The following NRG1 variants were observed in gnomAD, a reference collection of about 807,000 sequenced individuals.
The protein encoded by NRG1 is pro-neuregulin-1, membrane-bound isoform.
A neutral mutation model predicts 63.8 loss-of-function variants in NRG1; 18 were observed. That is an observed-to-expected ratio of 0.28 (90% CI 0.19 to 0.42). The LOEUF is 0.42. Ranked by LOEUF, NRG1 falls within the 10% of genes least tolerant of loss-of-function variation. NRG1 has a pLI of 1.00. For synonymous variants in NRG1, 302 were observed against 301.3 expected, an observed-to-expected ratio of 1.00 and a Z score of -0.02; for missense variants, 762 against 814.7, an observed-to-expected ratio of 0.94 and a Z score of 0.79.
intron 1 of NRG1, among the ~76,000 whole-genome samples, chr8:31,720,276 AT>A (rs1397211359): frequency 6.6e-6 from 1 of 152,064 alleles, no homozygotes; most frequent in Non-Finnish European, 1.5e-5. Context: ...CATAATATAC[AT>A]TTTTGAGTAG....
chr8:31,643,758 A>G (rs533576458), intron 1 of NRG1, among the ~76,000 whole-genome samples: 1 of 152,304 alleles, frequency 6.6e-6, no homozygotes, highest in South Asian at 2.1e-4. Flanking sequence ...TTAAATCTCT[A>G]TTATTCAAAC....
rs114434981 is a variant in NRG1, at chr8:31,935,753, G to T, written c.37+296322G>T. Among the ~76,000 whole-genome samples, 1,041 of 152,296 alleles carry T rather than the reference G, an allele frequency of 6.8e-3. 13 individuals carry two copies. The highest frequency in any genetic ancestry group is 0.024 in the African/African-American group (999 of 41,560). ...AGCAGCATCTTCTGGGGTCTTTTAGGTCACAAGTATCCCTGGTCTTTTCAT... is the reference window on the plus strand; with the variant it reads ...AGCAGCATCTTCTGGGGTCTTTTAGTTCACAAGTATCCCTGGTCTTTTCAT... On this transcript the variant is annotated intron_variant, in intron 1 of 10. Coordinates refer to the NRG1 transcript ENST00000519301.
At chr8:31,713,218 G>T (rs1421641316) in intron 1 of NRG1, among the ~76,000 whole-genome samples, 4 of 144,876 alleles carry the variant, frequency 2.8e-5, no homozygotes, top group Non-Finnish European at 6.0e-5. Flanking sequence ...CCGGGTTCAC[G>T]CCATTCTCCT....
intron 1 of NRG1, among the ~76,000 whole-genome samples, chr8:31,928,367 A>C (rs1392725892): frequency 6.6e-6 from 1 of 151,414 alleles, no homozygotes; most frequent in Non-Finnish European, 1.5e-5. Context: ...AAAAAAAAAA[A>C]AAAAAAAAAA....
intron 1 of NRG1, among the ~76,000 whole-genome samples, chr8:31,736,520 T>G (rs1430333397): frequency 1.3e-5 from 2 of 152,130 alleles, no homozygotes; most frequent in Non-Finnish European, 2.9e-5. Context: ...TTATCCATAA[T>G]TGGGTAGTAG....
At chr8:32,494,151 T>C (rs1399459239) in intron 1 of NRG1, among the ~76,000 whole-genome samples, 1 of 152,180 alleles carries the variant, frequency 6.6e-6, no homozygotes, top group Non-Finnish European at 1.5e-5. Flanking sequence ...TGAACAGAAG[T>C]GTTCCTTCTT....
chr8:32,704,945 G>T (rs138002766), intron 5 of NRG1, among the ~76,000 whole-genome samples: 2 of 152,098 alleles, frequency 1.3e-5, no homozygotes, highest in Non-Finnish European at 2.9e-5. Context: ...GATCATTGAC[G>T]TGCTTTTTAT....
intron 5 of NRG1, among the ~76,000 whole-genome samples, chr8:32,630,434 T>C (rs902663358): frequency 1.3e-5 from 2 of 152,150 alleles, no homozygotes; most frequent in Non-Finnish European, 2.9e-5. Flanking sequence ...TGCGCACACA[T>C]TTGGGATGAA....
chr8:31,845,106 CAAATAAATAAAT>C (rs3052830), intron 1 of NRG1, among the ~76,000 whole-genome samples: 88 of 146,314 alleles, frequency 6.0e-4, no homozygotes, highest in East Asian at 3.0e-3. Context: ...GACTCCGTCT[CAAATAAATAAAT>C]AAATAAATAA....
chr8:32,691,028 T>C (rs745347284), intron 5 of NRG1, among the ~76,000 whole-genome samples: 3 of 151,530 alleles, frequency 2.0e-5, no homozygotes, highest in African/African-American at 2.4e-5. Flanking sequence ...AATCTATAAA[T>C]TTCATTTTCA....
At chr8:32,708,987 A>G (rs1440157642) in intron 5 of NRG1, among the ~76,000 whole-genome samples, 2 of 152,220 alleles carry the variant, frequency 1.3e-5, no homozygotes, top group East Asian at 3.8e-4. Context: ...TTAAAAAAGT[A>G]ATTTAAATTA....
chr8:31,940,262 C>A (rs1045507351), intron 1 of NRG1, among the ~76,000 whole-genome samples: 2 of 151,976 alleles, frequency 1.3e-5, no homozygotes, highest in Admixed American at 1.3e-4. Flanking sequence ...CCAAACCATA[C>A]AAATACATGC....
chr8:32,279,606 C>T (rs192015346), intron 1 of NRG1, among the ~76,000 whole-genome samples: 1 of 152,332 alleles, frequency 6.6e-6, no homozygotes, highest in East Asian at 1.9e-4. Flanking sequence ...CCACCTTGGC[C>T]TCCGAAAGTG....
intron 5 of NRG1, among the ~76,000 whole-genome samples, chr8:32,682,083 A>G (rs1808802427): frequency 1.3e-5 from 2 of 152,198 alleles, no homozygotes; most frequent in Non-Finnish European, 2.9e-5. Flanking sequence ...TCTATTTTCA[A>G]TAAATCAATT....
chr8:31,763,159 AGAGAT>A (rs1359507335), intron 1 of NRG1, among the ~76,000 whole-genome samples: 1 of 152,220 alleles, frequency 6.6e-6, no homozygotes, highest in Admixed American at 6.5e-5. Context: ...TTGGAATAGA[AGAGAT>A]ATTTCTCATT....
chr8:31,910,001 C>A (rs766214244), intron 1 of NRG1, among the ~76,000 whole-genome samples: 1 of 152,108 alleles, frequency 6.6e-6, no homozygotes, highest in African/African-American at 2.4e-5. Flanking sequence ...CATTAAAATG[C>A]AAACCAAAAA....
intron 1 of NRG1, among the ~76,000 whole-genome samples, chr8:31,691,463 C>T (rs1207607641): frequency 3.3e-5 from 5 of 151,470 alleles, no homozygotes; most frequent in Admixed American, 6.6e-5. Context: ...GGCGCAGTGG[C>T]GGGCAACTGT....
At chr8:31,644,880 CT>C (rs1190181076) in intron 1 of NRG1, among the ~76,000 whole-genome samples, 1 of 151,978 alleles carries the variant, frequency 6.6e-6, no homozygotes, top group South Asian at 2.1e-4. Flanking sequence ...AAAATAATCT[CT>C]TTTGATAGCT....
At chr8:32,211,626 T>G (rs1373368559) in intron 1 of NRG1, among the ~76,000 whole-genome samples, 1 of 152,230 alleles carries the variant, frequency 6.6e-6, no homozygotes, top group African/African-American at 2.4e-5. Flanking sequence ...TGCTTTGTTA[T>G]GCATTTCTGT....
Sources: gnomAD v4.1 joint callset for allele counts (sites outside exome capture counted in the v4.1 genomes callset) on GRCh38, gnomAD v4.1.1 for gene constraint, MANE v1.5 for transcripts, NCBI Gene and HGNC (gene_info 2026-07-23, HGNC 2026-07-21) for gene names.